SRD5A2: variants seen among roughly 807,000 people sequenced by gnomAD.
SRD5A2 encodes the protein 3-oxo-5-alpha-steroid 4-dehydrogenase 2.
In SRD5A2, 30 loss-of-function variants were observed where a neutral mutation model predicts 27.4. That is an observed-to-expected ratio of 1.10 (90% CI 0.82 to 1.49). The LOEUF (loss-of-function observed/expected upper bound fraction) is 1.49, where lower values mean the gene tolerates loss of function less well. Ranked by LOEUF, SRD5A2 falls within the 40% of genes most tolerant of loss-of-function variation. The pLI is 0.00. For missense variants in SRD5A2, 348 were observed against 323.4 expected (o/e 1.08, Z -0.58); for synonymous variants, 141 against 133.6 (o/e 1.06, Z -0.38).
the SRD5A2 span, among the ~76,000 whole-genome samples, chr2:31,629,647 G>T: frequency 3.9e-5 from 6 of 152,190 alleles, no homozygotes; most frequent in African/African-American, 1.4e-4. Context: ...GAAGCCAAGG[G>T]CCGACTAGAG....
At position 31,523,663 on chromosome 2, in the gene SRD5A2, T is replaced by C. The variant is rs1162840074; in HGVS notation, c.*2533A>G. The stretch of plus-strand genomic sequence containing the variant: ...GCTTCAGCAAGACCAAGATAGAGTA[T>C]CTTGTGAGCTAGGACACTGTTAGAT... On this transcript the variant is annotated 3_prime_UTR_variant, in exon 5 of 5. Transcript: ENST00000622030. 3 of 221,200 alleles carry C rather than the reference T, an allele frequency of 1.4e-5. No individual in the cohort carries two copies. Among genetic ancestry groups the C allele is most frequent in the Non-Finnish European group, 2.7e-5 (3 of 110,528 alleles). 13.7% of individuals were successfully genotyped at this position (221,200 alleles called of 1,614,324 possible). A position where few individuals can be genotyped will look rare whatever the true frequency, so the allele number is the denominator to read the frequency against.
the SRD5A2 span, among the ~76,000 whole-genome samples, chr2:31,659,626 G>T: frequency 6.6e-6 from 1 of 152,064 alleles, no homozygotes; most frequent in African/African-American, 2.4e-5. Context: ...AGCTAACCAG[G>T]GAAGTGAAGG....
chr2:31,625,128 T>G, the SRD5A2 span, among the ~76,000 whole-genome samples: 1 of 152,260 alleles, frequency 6.6e-6, no homozygotes, highest in Admixed American at 6.5e-5. Flanking sequence ...GAGCATTTTT[T>G]CATATGTCTG....
chr2:31,601,755 CAT>C, the SRD5A2 span, among the ~76,000 whole-genome samples: 20 of 152,188 alleles, frequency 1.3e-4, no homozygotes, highest in Non-Finnish European at 1.2e-4. Context: ...GTGAGTTCAA[CAT>C]ATGCAAATCA....
At chr2:31,623,321 G>C in the SRD5A2 span, among the ~76,000 whole-genome samples, 1 of 151,932 alleles carries the variant, frequency 6.6e-6, no homozygotes, top group Non-Finnish European at 1.5e-5. Flanking sequence ...GAAGTCATTT[G>C]CAAAAAAACA....
chr2:31,555,959 A>C (rs918547913), intron 1 of SRD5A2, among the ~76,000 whole-genome samples: 1 of 152,184 alleles, frequency 6.6e-6, no homozygotes, highest in African/African-American at 2.4e-5. Flanking sequence ...ACAAAATAAA[A>C]AACAGCCATC....
the SRD5A2 span, among the ~76,000 whole-genome samples, chr2:31,611,855 G>A: frequency 3.9e-5 from 6 of 152,076 alleles, no homozygotes; most frequent in Non-Finnish European, 5.9e-5. Flanking sequence ...AGACTTGTAC[G>A]TGAATGTTCA....
chr2:31,652,595 A>G, the SRD5A2 span, among the ~76,000 whole-genome samples: 1 of 152,216 alleles, frequency 6.6e-6, no homozygotes, highest in Non-Finnish European at 1.5e-5. Context: ...AAATGAAAAC[A>G]AATTATTGAA....
chr2:31,624,598 A>G, the SRD5A2 span, among the ~76,000 whole-genome samples: 1 of 152,090 alleles, frequency 6.6e-6, no homozygotes, highest in Non-Finnish European at 1.5e-5. Context: ...ATGAGTGAGA[A>G]CATGCGGTGT....
the SRD5A2 span, among the ~76,000 whole-genome samples, chr2:31,642,456 A>G: frequency 6.6e-6 from 1 of 152,042 alleles, no homozygotes; most frequent in Non-Finnish European, 1.5e-5. Flanking sequence ...TTCACAAAAG[A>G]AGATAGAAAA....
chr2:31,658,603 C>T, the SRD5A2 span, among the ~76,000 whole-genome samples: 1 of 151,020 alleles, frequency 6.6e-6, no homozygotes, highest in East Asian at 1.9e-4. Flanking sequence ...TCTATGCACA[C>T]AAACTAAAAA....
the SRD5A2 span, among the ~76,000 whole-genome samples, chr2:31,593,048 G>A: frequency 1.3e-5 from 2 of 152,186 alleles, no homozygotes; most frequent in South Asian, 2.1e-4. Flanking sequence ...CTCATAGATG[G>A]GAATTGAACA....
At chr2:31,648,520 T>C in the SRD5A2 span, among the ~76,000 whole-genome samples, 1 of 152,222 alleles carries the variant, frequency 6.6e-6, no homozygotes, top group East Asian at 1.9e-4. Context: ...CCAAATTTTA[T>C]GCCAGGCCAC....
upstream of SRD5A2, among the ~76,000 whole-genome samples, chr2:31,585,453 G>C (rs925350982): frequency 3.3e-5 from 5 of 152,028 alleles, no homozygotes; most frequent in Non-Finnish European, 7.4e-5. Context: ...CTTGCATCTT[G>C]GATACCAGCT....
chr2:31,655,456 G>A, the SRD5A2 span, among the ~76,000 whole-genome samples: 17 of 152,184 alleles, frequency 1.1e-4, no homozygotes, highest in Non-Finnish European at 2.2e-4. Flanking sequence ...TGACTTCCAG[G>A]CAGAGGATGG....
At chr2:31,638,715 A>T in the SRD5A2 span, among the ~76,000 whole-genome samples, 1 of 148,938 alleles carries the variant, frequency 6.7e-6, no homozygotes, top group Non-Finnish European at 1.5e-5. Context: ...TTTGTAGTCT[A>T]TTTCATCTAC....
At chr2:31,658,033 TC>T in the SRD5A2 span, among the ~76,000 whole-genome samples, 5 of 152,166 alleles carry the variant, frequency 3.3e-5, no homozygotes, top group Non-Finnish European at 7.3e-5. Context: ...AGTTTGTAGG[TC>T]TAGAAGTACT....
At chr2:31,559,672 A>G (rs1010476268) in intron 1 of SRD5A2, among the ~76,000 whole-genome samples, 4 of 152,032 alleles carry the variant, frequency 2.6e-5, no homozygotes, top group African/African-American at 9.7e-5. Context: ...AAAGGAGGCA[A>G]ATGAAAATAA....
the SRD5A2 span, among the ~76,000 whole-genome samples, chr2:31,660,739 G>A: frequency 6.6e-6 from 1 of 151,922 alleles, no homozygotes; most frequent in Non-Finnish European, 1.5e-5. Context: ...TTCACTATAG[G>A]ATTATTTGTA....
Sources: allele counts gnomAD v4.1 joint callset (sites outside exome capture counted in the v4.1 genomes callset), GRCh38; gene constraint gnomAD v4.1.1; transcripts MANE v1.5; gene names NCBI Gene and HGNC (gene_info 2026-07-23, HGNC 2026-07-21).